The following NELL2 variants were observed in gnomAD, a reference collection of about 807,000 sequenced individuals.
The protein encoded by NELL2 is protein kinase C-binding protein NELL2.
NELL2 carries 41 observed loss-of-function variants against 109.6 expected under a neutral mutation model. The ratio of observed to expected loss-of-function variants is 0.37; its 90% CI spans 0.29 to 0.49. NELL2 has a LOEUF of 0.49. NELL2 is among the 20% of genes least tolerant of loss of function. The pLI, the probability that NELL2 is intolerant of heterozygous loss-of-function variation, is 0.98. For missense variants in NELL2, 900 were observed against 1,008.3 expected (o/e 0.89, Z 1.45); for synonymous variants, 355 against 344.7 (o/e 1.03, Z -0.33).
At chr12:44,777,614 C>T (rs981799835) in intron 5 of NELL2, among the ~76,000 whole-genome samples, 5 of 152,166 alleles carry the variant, frequency 3.3e-5, no homozygotes, top group African/African-American at 9.6e-5. Flanking sequence ...TAGTTAGCCA[C>T]TGACGGGCTT....
At chr12:44,803,750 A>G (rs1345274330) in intron 3 of NELL2, among the ~76,000 whole-genome samples, 2 of 152,034 alleles carry the variant, frequency 1.3e-5, no homozygotes, top group Non-Finnish European at 2.9e-5. Flanking sequence ...CATTTAAATG[A>G]AAAATAATAT....
chr12:44,599,956 T>C (rs1945137109), intron 15 of NELL2, among the ~76,000 whole-genome samples: 1 of 142,500 alleles, frequency 7.0e-6, no homozygotes, highest in Admixed American at 7.6e-5. Context: ...AAACCTAGAA[T>C]TCCGTTTTTT....
intron 9 of NELL2, among the ~76,000 whole-genome samples, chr12:44,759,416 T>C (rs943712870): frequency 5.3e-5 from 8 of 152,306 alleles, no homozygotes; most frequent in Admixed American, 2.6e-4. Flanking sequence ...AATTTGCAAC[T>C]ATCATATAAA....
At chr12:44,752,447 T>C (rs1940694145) in intron 9 of NELL2, among the ~76,000 whole-genome samples, 1 of 152,068 alleles carries the variant, frequency 6.6e-6, no homozygotes, top group Non-Finnish European at 1.5e-5. Flanking sequence ...AACAATGAAA[T>C]CAAGGTGATC....
rs952642021 is a variant in NELL2, at chr12:44,909,589, C to A, written c.38+4210G>T. 2.0e-5 allele frequency among the ~76,000 whole-genome samples: 3 copies of A among 151,704 alleles called. No homozygotes were observed. In the East Asian group the frequency reaches 5.8e-4, roughly 29 times the overall value. On this transcript the variant is annotated intron_variant, in intron 1 of 20. Coordinates refer to the NELL2 transcript ENST00000333837. ...TTTTTCACAGAACTGGAAAAAAATT[C>A]TAAAATTCATATGGAACCAAAAAGG...
chr12:44,601,050 A>G (rs1785138543), intron 15 of NELL2, among the ~76,000 whole-genome samples: 4 of 152,184 alleles, frequency 2.6e-5, no homozygotes. Flanking sequence ...GAAAAAAATA[A>G]TATTTTTAAA....
rs538877690 is a variant in NELL2 at position 44,815,765 on chromosome 12, C to T, written c.335+221G>A. ...ACTCGAGTAGCTGGGACTACAGGCGCGCGCCACCAAGCCCAGCTAATTTTT... is the reference window on the plus strand; with the variant it reads ...ACTCGAGTAGCTGGGACTACAGGCGTGCGCCACCAAGCCCAGCTAATTTTT... On this transcript the variant is annotated intron_variant, in intron 3 of 19. Transcript: ENST00000429094. 205 of 393,818 alleles carry T rather than the reference C, an allele frequency of 5.2e-4. 1 individual carries two copies. In the Middle Eastern group the frequency reaches 8.3e-3, roughly 16 times the overall value. The allele number at this position is 393,818 out of a possible 1,614,324, so 24.4% of individuals were successfully genotyped here. A position where few individuals can be genotyped will look rare whatever the true frequency, so the allele number is the denominator to read the frequency against.
intron 15 of NELL2, among the ~76,000 whole-genome samples, chr12:44,561,803 G>C (rs1021577351): frequency 1.3e-5 from 2 of 152,092 alleles, no homozygotes; most frequent in African/African-American, 4.8e-5. Context: ...TTTTTTCACA[G>C]AATTAGAAAA....
intron 19 of NELL2, among the ~76,000 whole-genome samples, chr12:44,516,249 C>T (rs573644590): frequency 9.9e-5 from 15 of 151,866 alleles, no homozygotes; most frequent in African/African-American, 3.1e-4. Flanking sequence ...TGGATATTTT[C>T]GTTTCTTCCT....
chr12:44,626,743 A>G (rs1225012440), intron 13 of NELL2, among the ~76,000 whole-genome samples: 1 of 152,118 alleles, frequency 6.6e-6, no homozygotes, highest in Non-Finnish European at 1.5e-5. Context: ...CATTCAGAGT[A>G]AATGACATAT....
intron 3 of NELL2, among the ~76,000 whole-genome samples, chr12:44,791,619 T>C (rs906228876): frequency 3.4e-5 from 5 of 145,654 alleles, no homozygotes; most frequent in Admixed American, 3.4e-4. Flanking sequence ...TTTGCTGATA[T>C]GGAGTTTTGA....
rs1938403372 is a variant in NELL2, at chr12:44,714,843, T to C, written c.995-102A>G. ...GCATTCCACATGTTATACACCTTTTTTCAACATGTATGACTAACCAGAAAC... is the reference window on the plus strand; with the variant it reads ...GCATTCCACATGTTATACACCTTTTCTCAACATGTATGACTAACCAGAAAC... On this transcript the variant is annotated intron_variant, in intron 9 of 19. Transcript: ENST00000429094. 6.3e-6 allele frequency: 4 copies of C among 632,738 alleles called. No individual in the cohort carries two copies. The East Asian group carries it at 1.3e-4, about 20-fold the overall frequency. The allele number at this position is 632,738 out of a possible 1,614,324, so 39.2% of individuals were successfully genotyped here.
At chr12:44,662,154 T>G (rs758408428) in intron 13 of NELL2, among the ~76,000 whole-genome samples, 5 of 152,130 alleles carry the variant, frequency 3.3e-5, no homozygotes, top group African/African-American at 1.2e-4. Flanking sequence ...TTCCACAACT[T>G]TGGAATAGAG....
At chr12:44,722,579 T>TAACTCAGAGAAG (rs1938838309) in intron 9 of NELL2, among the ~76,000 whole-genome samples, 1 of 152,130 alleles carries the variant, frequency 6.6e-6, no homozygotes, top group Admixed American at 6.5e-5. Context: ...TAACTAAATA[T>TAACTCAGAGAAG]AACTCAGAGA....
At chr12:44,754,429 T>C (rs911427447) in intron 9 of NELL2, among the ~76,000 whole-genome samples, 14 of 152,316 alleles carry the variant, frequency 9.2e-5, no homozygotes, top group Middle Eastern at 3.4e-3. Flanking sequence ...AGAATCATCA[T>C]CAGCTCCCTC....
At chr12:44,660,229 C>A (rs1392192053) in intron 13 of NELL2, among the ~76,000 whole-genome samples, 1 of 152,240 alleles carries the variant, frequency 6.6e-6, no homozygotes, top group Non-Finnish European at 1.5e-5. Flanking sequence ...AAATATGCAT[C>A]TTACAATTTT....
chr12:44,691,100 T>C (rs1367034490), intron 12 of NELL2, among the ~76,000 whole-genome samples: 2 of 152,140 alleles, frequency 1.3e-5, no homozygotes, highest in African/African-American at 4.8e-5. Flanking sequence ...AAAAGAAGAA[T>C]ACAGGCATAC....
chr12:44,835,742 A>T (rs540178182), intron 2 of NELL2, among the ~76,000 whole-genome samples: 18 of 152,358 alleles, frequency 1.2e-4, no homozygotes, highest in East Asian at 5.8e-4. Flanking sequence ...CTAATCCAAC[A>T]GGGTAAACTT....
chr12:44,658,641 T>G (rs1175553170), intron 13 of NELL2, among the ~76,000 whole-genome samples: 1 of 151,800 alleles, frequency 6.6e-6, no homozygotes, highest in African/African-American at 2.4e-5. Context: ...AAGACAATCC[T>G]AAGCAAAAAG....
Sources: allele counts gnomAD v4.1 joint callset (sites outside exome capture counted in the v4.1 genomes callset), GRCh38; gene constraint gnomAD v4.1.1; transcripts MANE v1.5; gene names NCBI Gene and HGNC (gene_info 2026-07-23, HGNC 2026-07-21).